The following MGRN1 variants were observed in gnomAD, a reference collection of about 807,000 sequenced individuals.
MGRN1 encodes mahogunin ring finger 1, also known as E3 ubiquitin-protein ligase MGRN1.
A neutral mutation model predicts 69.2 loss-of-function variants in MGRN1; 29 were observed. The ratio of observed to expected loss-of-function variants is 0.42; its 90% confidence interval spans 0.31 to 0.57. The LOEUF is 0.57. Ranked by LOEUF, MGRN1 falls within the 20% of genes least tolerant of loss-of-function variation. The pLI is 0.15. For missense variants in MGRN1, 998 were observed against 796.2 expected, an observed-to-expected ratio of 1.25 and a Z score of -3.05; for synonymous variants, 470 against 344.2, an observed-to-expected ratio of 1.37 and a Z score of -4.04.
intron 1 of MGRN1, among the ~76,000 whole-genome samples, chr16:4,644,473 G>A (rs2078233740): frequency 6.6e-6 from 1 of 151,362 alleles, no homozygotes; most frequent in African/African-American, 2.4e-5. Context: ...ACCACGCCTG[G>A]GTAATTTTGT....
chr16:4,640,455 C>G (rs748198049), intron 1 of MGRN1: 2 of 152,238 alleles, frequency 1.3e-5, no homozygotes, highest in Non-Finnish European at 2.9e-5. Context: ...GCAGGTTGCC[C>G]GGACACCTGC....
intron 1 of MGRN1, among the ~76,000 whole-genome samples, chr16:4,627,713 C>A (rs1392118652): frequency 6.6e-6 from 1 of 151,534 alleles, no homozygotes; most frequent in African/African-American, 2.4e-5. Flanking sequence ...TTGCTTGAAG[C>A]TGAGAGGTGG....
chr16:4,664,608 T>C, intron 5 of MGRN1, 101 bp from the exon 6 acceptor site: 1 of 1,258,082 alleles, frequency 7.9e-7, no homozygotes, highest in Non-Finnish European at 1.2e-6. Context: ...TGCTGCTGCC[T>C]CCTGCTCCTG....
chr16:4,656,785 C>T (rs1245907535), intron 4 of MGRN1, among the ~76,000 whole-genome samples: 2 of 152,054 alleles, frequency 1.3e-5, no homozygotes, highest in South Asian at 2.1e-4. Flanking sequence ...GAAGCTGAGG[C>T]AGGAGGATCA....
At chr16:4,682,516 C>T (rs911897013) in intron 13 of MGRN1, among the ~76,000 whole-genome samples, 1 of 152,254 alleles carries the variant, frequency 6.6e-6, no homozygotes, top group Non-Finnish European at 1.5e-5. Context: ...GGGCCTCTGT[C>T]TCCTGCTGCT....
At chr16:4,665,796 G>C (rs1283936819) in intron 7 of MGRN1, among the ~76,000 whole-genome samples, 1 of 149,922 alleles carries the variant, frequency 6.7e-6, no homozygotes, top group Non-Finnish European at 1.5e-5. Flanking sequence ...CAGCCTCCAA[G>C]TACCTGGGAT....
chr16:4,650,051 C>G (rs575829550), intron 1 of MGRN1: 1 of 221,612 alleles, frequency 4.5e-6, no homozygotes, highest in South Asian at 5.6e-5. Context: ...ACCTGTAATC[C>G]CAGAACCTTG....
At chr16:4,625,148 C>A in intron 1 of MGRN1, 100 bp downstream of exon 1, 1 of 1,108,710 alleles carries the variant, frequency 9.0e-7, no homozygotes, top group Non-Finnish European at 1.2e-6. Context: ...CCTGCTCGGC[C>A]CCCTCCGGGC....
intron 1 of MGRN1, among the ~76,000 whole-genome samples, chr16:4,646,061 G>A (rs564189903): frequency 1.3e-5 from 2 of 152,160 alleles, no homozygotes; most frequent in Non-Finnish European, 2.9e-5. Flanking sequence ...AGCACAGTGA[G>A]CACTTCCTAC....
At chr16:4,686,231 C>T (rs1336633792) in intron 16 of MGRN1, 27 of 1,540,186 alleles carry the variant, frequency 1.8e-5, no homozygotes, top group Non-Finnish European at 2.3e-5. Flanking sequence ...AACCGAGCTT[C>T]CGTCTGTCTC....
rs764216362 is a variant in MGRN1, at chr16:4,664,747, C to T, written c.600C>T (p.Val200=). The change falls in exon 6 of 17, where the codon GTC becomes GTT. Residue 200 remains valine (V), a synonymous_variant. Transcript: ENST00000262370. ...FDLDRGVFPV[V]IQAVVDEGDV... ...TGGACCGGGGCGTGTTTCCAGTAGT[C>T]ATCCAGGCTGTGGTGGACGAAGGAG... 3 of 1,614,224 alleles carry T rather than the reference C, an allele frequency of 1.9e-6. No individual in the cohort carries two copies. Among genetic ancestry groups the T allele is most frequent in the Non-Finnish European group, 2.5e-6 (3 of 1,180,040 alleles).
At chr16:4,688,740 G>A in intron 16 of MGRN1, 56 bp from the exon 17 acceptor site, 2 of 1,503,234 alleles carry the variant, frequency 1.3e-6, no homozygotes, top group Non-Finnish European at 1.8e-6. Flanking sequence ...GTAGGAGCGG[G>A]TGGCGTGGCA....
chr16:4,636,717 T>C (rs1898311812), intron 1 of MGRN1, among the ~76,000 whole-genome samples: 1 of 152,152 alleles, frequency 6.6e-6, no homozygotes, highest in Non-Finnish European at 1.5e-5. Flanking sequence ...GAATTTCTCA[T>C]TGTACTTTTC....
chr16:4,652,753 C>T lies in MGRN1; in HGVS notation c.372C>T (p.Phe124=), dbSNP rs146634624. 1,142 of 1,612,930 alleles carry T rather than the reference C, an allele frequency of 7.1e-4. 1 individual carries two copies. The highest frequency in any genetic ancestry group is 2.0e-3 in the Admixed American group (117 of 59,866). The change falls in exon 4 of 17, where the codon TTC becomes TTT. Residue 124 remains phenylalanine (F), a synonymous_variant. Transcript: ENST00000262370. ...TGCTCTACAGCCTGGAGTTCACCTTCGACGCCGATGCCCGCGTGGCCATCA... is the reference window on the plus strand; with the variant it reads ...TGCTCTACAGCCTGGAGTTCACCTTTGACGCCGATGCCCGCGTGGCCATCA... The part of the protein sequence containing the change: ...PRVLYSLEFT[F]DADARVAITI...
intron 11 of MGRN1, among the ~76,000 whole-genome samples, chr16:4,678,257 C>T (rs890793362): frequency 3.3e-5 from 5 of 151,246 alleles, no homozygotes; most frequent in East Asian, 4.0e-4. Context: ...CAGTGGGGAC[C>T]TTAAGGGCAG....
chr16:4,653,012 C>T, intron 4 of MGRN1, among the ~76,000 whole-genome samples, 188 bp downstream of exon 4: 1 of 152,344 alleles, frequency 6.6e-6, no homozygotes, highest in South Asian at 2.1e-4. Flanking sequence ...CGGGAACCAG[C>T]TGGGGTCCTT....
chr16:4,640,212 C>T (rs1190922933), intron 1 of MGRN1: 2 of 152,312 alleles, frequency 1.3e-5, no homozygotes, highest in African/African-American at 2.4e-5. Flanking sequence ...TTGGCTCACT[C>T]TGTGGCCTGT....
Position 4,683,211 on chromosome 16 carries a change from C to G in MGRN1, c.1483-13C>G. On this transcript the variant is annotated splice_polypyrimidine_tract_variant and intron_variant, in intron 14 of 16. Transcript: ENST00000262370. ...TCTCTGAGCTCTAGGCTACTTTCCCCTTTGTTTCCTAGAGTTTCATAACAG... is the reference window on the plus strand; with the variant it reads ...TCTCTGAGCTCTAGGCTACTTTCCCGTTTGTTTCCTAGAGTTTCATAACAG... 6.2e-7 allele frequency: 1 copy of G among 1,613,514 alleles called. No individual in the cohort carries two copies. The highest frequency in any genetic ancestry group is 8.5e-7 in the Non-Finnish European group (1 of 1,179,920).
At chr16:4,660,890 GTGT>G (rs1428868271) in intron 5 of MGRN1, among the ~76,000 whole-genome samples, 1 of 152,230 alleles carries the variant, frequency 6.6e-6, no homozygotes, top group African/African-American at 2.4e-5. Context: ...GCAAGCCCAG[GTGT>G]CTGTGGTATC....
Sources: allele counts gnomAD v4.1 joint callset (sites outside exome capture counted in the v4.1 genomes callset), GRCh38; gene constraint gnomAD v4.1.1; transcripts MANE v1.5; gene names NCBI Gene and HGNC (gene_info 2026-07-23, HGNC 2026-07-21).